The following ATP2B2 variants were observed in gnomAD, a reference collection of about 807,000 sequenced individuals.
The protein encoded by ATP2B2 is ATPase plasma membrane Ca2+ transporting 2.
A neutral mutation model predicts 120.0 loss-of-function variants in ATP2B2; 15 were observed. The observed-to-expected ratio is 0.12, with a 90% CI of 0.08 to 0.19. The LOEUF (loss-of-function observed/expected upper bound fraction) is 0.19. Among genes scored for constraint, ATP2B2 ranks in the 10% least tolerant of loss-of-function variants. The probability of loss-of-function intolerance (pLI) is 1.00; values close to 1 mark genes in which losing one functional copy is unlikely to be tolerated. For synonymous variants in ATP2B2, 694 were observed against 700.3 expected, an observed-to-expected ratio of 0.99 and a Z score of 0.14; for missense variants, 1,045 against 1,719.8, an observed-to-expected ratio of 0.61 and a Z score of 6.94.
At chr3:10,443,506 G>T (rs1279024862) in intron 2 of ATP2B2, among the ~76,000 whole-genome samples, 2 of 152,152 alleles carry the variant, frequency 1.3e-5, no homozygotes, top group Non-Finnish European at 2.9e-5. Flanking sequence ...ATGAGGAAAG[G>T]CCTGGCTGCC....
intron 2 of ATP2B2, among the ~76,000 whole-genome samples, chr3:10,597,591 T>G (rs917666740): frequency 1.3e-5 from 2 of 152,134 alleles, no homozygotes; most frequent in Non-Finnish European, 1.5e-5. Flanking sequence ...CTCACCCCTA[T>G]AGCCAGCTGT....
At chr3:10,637,126 A>G (rs551950335) in intron 1 of ATP2B2, among the ~76,000 whole-genome samples, 21 of 152,356 alleles carry the variant, frequency 1.4e-4, no homozygotes, top group African/African-American at 4.3e-4. Flanking sequence ...CTCTATCCCT[A>G]TCTAACAAGT....
At position 10,329,915 on chromosome 3, in the gene ATP2B2, C is replaced by T. The variant is rs573270810; in HGVS notation, c.3421-790G>A. On this transcript the variant is annotated intron_variant, in intron 22 of 22. Coordinates refer to ENST00000360273, the MANE Select transcript of ATP2B2 (RefSeq NM_001001331.4). This position sits in a 1 kb window ranked among gnomAD's most constrained non-coding sequence, Gnocchi z 5.9. Reference sequence around the variant, plus strand: ...ACAATGTGAACGGAGGTCGTTTGTACCCAGCGTTTCTTTCCTTCATGCATT... The same window carrying T: ...ACAATGTGAACGGAGGTCGTTTGTATCCAGCGTTTCTTTCCTTCATGCATT... 2.6e-5 allele frequency among the ~76,000 whole-genome samples: 4 copies of T among 152,312 alleles called. No homozygotes were observed. In the South Asian group the frequency reaches 6.2e-4, roughly 24 times the overall value.
At chr3:10,511,699 A>G (rs2066764471) in intron 3 of ATP2B2, among the ~76,000 whole-genome samples, 1 of 152,194 alleles carries the variant, frequency 6.6e-6, no homozygotes, top group African/African-American at 2.4e-5. Context: ...GGCTGGACTC[A>G]AGGTGAGTTG....
chr3:10,597,720 C>G (rs576248025), intron 2 of ATP2B2, among the ~76,000 whole-genome samples: 1 of 152,184 alleles, frequency 6.6e-6, no homozygotes, highest in Non-Finnish European at 1.5e-5. Context: ...AAGCTCTGTG[C>G]CTCAGTTTCC....
chr3:10,668,292 G>A (rs2071000733), intron 1 of ATP2B2, among the ~76,000 whole-genome samples: 1 of 152,212 alleles, frequency 6.6e-6, no homozygotes, highest in African/African-American at 2.4e-5. Context: ...TAAGCGACTT[G>A]GTCATGGTCA....
chr3:10,656,518 C>T (rs2070632092), intron 1 of ATP2B2, among the ~76,000 whole-genome samples: 2 of 152,358 alleles, frequency 1.3e-5, no homozygotes, highest in South Asian at 4.1e-4. Flanking sequence ...TTCACCACCT[C>T]ACCCTGGCTC....
chr3:10,340,444 AG>A lies in ATP2B2; in HGVS notation c.3129+48del. The A allele has an allele frequency of 3.1e-6, 5 of 1,613,942 alleles. No homozygotes were observed. The highest frequency in any genetic ancestry group is 4.2e-6 in the Non-Finnish European group (5 of 1,179,842). ...TCTCAGGGTCCTGCCCAGGGGCTCC[AG>A]CCGCTTGCTGCCCACCCCGGGCCTG... On this transcript the variant is annotated intron_variant, in intron 20 of 22. Coordinates refer to ENST00000360273, the MANE Select transcript of ATP2B2 (RefSeq NM_001001331.4). This position sits in a 1 kb window ranked among gnomAD's most constrained non-coding sequence, Gnocchi z 5.0.
At chr3:10,366,689 T>C (rs1348555375) in intron 12 of ATP2B2, among the ~76,000 whole-genome samples, 1 of 152,170 alleles carries the variant, frequency 6.6e-6, no homozygotes, top group African/African-American at 2.4e-5. Context: ...GGGGATGTTT[T>C]CCCAAGGAAG....
intron 2 of ATP2B2, among the ~76,000 whole-genome samples, chr3:10,426,714 T>C (rs1031373205): frequency 6.6e-6 from 1 of 152,184 alleles, no homozygotes; most frequent in African/African-American, 2.4e-5. Flanking sequence ...AAATCCAGTA[T>C]CAGAAATAAA....
At chr3:10,530,845 C>T (rs114381689) in intron 3 of ATP2B2, among the ~76,000 whole-genome samples, 11 of 152,268 alleles carry the variant, frequency 7.2e-5, no homozygotes, top group Non-Finnish European at 1.0e-4. Flanking sequence ...ACGTTGCTGA[C>T]GTGGAAATTC....
chr3:10,441,857 T>C (rs1438704991), intron 2 of ATP2B2, among the ~76,000 whole-genome samples: 1 of 152,168 alleles, frequency 6.6e-6, no homozygotes, highest in Admixed American at 6.5e-5. Context: ...TATCATATCA[T>C]TTACAGGTGG....
intron 1 of ATP2B2, among the ~76,000 whole-genome samples, chr3:10,469,897 G>A (rs754746799): frequency 1.3e-5 from 2 of 151,970 alleles, no homozygotes; most frequent in African/African-American, 2.4e-5. Context: ...CCCAGCTCGC[G>A]CCTTGGTTGC....
In ATP2B2 at chr3:10,332,819, T is replaced by C. The variant is rs536730457; in HGVS notation, c.3421-3694A>G. Among the ~76,000 whole-genome samples the C allele has an allele frequency of 3.0e-3, 462 of 152,188 alleles. 2 individuals are homozygous for C. Among genetic ancestry groups the C allele is most frequent in the Non-Finnish European group, 4.6e-3 (313 of 67,990 alleles). ...GCGAAATGGATGTGTTGGCAGGTCC[T>C]CCCCTCCCACAATTCAGTGGTGAGG... On this transcript the variant is annotated intron_variant, in intron 22 of 22. Transcript: ENST00000360273.
Position 10,421,665 on chromosome 3 carries a change from T to C in ATP2B2, c.200-10850A>G, listed in dbSNP as rs541483003. ...TCCATGGCTCCCCATGTCCTCACAA[T>C]CATCCAGTTCCTGGGCTCACAGTGG... On this transcript the variant is annotated intron_variant, in intron 2 of 22. Coordinates refer to ENST00000360273, the MANE Select transcript of ATP2B2 (RefSeq NM_001001331.4). Among the ~76,000 whole-genome samples the C allele has an allele frequency of 2.6e-5, 4 of 152,260 alleles. No individual in the cohort carries two copies. The East Asian group carries it at 7.7e-4, about 29-fold the overall frequency.
At chr3:10,350,271 G>A in intron 15 of ATP2B2, 72 bp from the exon 16 acceptor site, 11 of 1,566,982 alleles carry the variant, frequency 7.0e-6, no homozygotes, top group Non-Finnish European at 9.6e-6. Flanking sequence ...GAAGGGAGGG[G>A]ACATGCCCAG....
intron 2 of ATP2B2, among the ~76,000 whole-genome samples, chr3:10,616,606 G>GT (rs2069394589): frequency 6.6e-6 from 1 of 152,054 alleles, no homozygotes; most frequent in Non-Finnish European, 1.5e-5. Context: ...AAAAAAATTT[G>GT]TTTTTGAGAA....
chr3:10,666,765 A>G (rs1229978440), intron 1 of ATP2B2, among the ~76,000 whole-genome samples: 12 of 152,120 alleles, frequency 7.9e-5, no homozygotes, highest in Non-Finnish European at 1.8e-4. Context: ...CCACTGGAGG[A>G]GTGCCCGGAA....
intron 1 of ATP2B2, among the ~76,000 whole-genome samples, chr3:10,488,463 A>ATTCCATCC (rs2065803453): frequency 1.0e-5 from 1 of 95,746 alleles, no homozygotes; most frequent in African/African-American, 3.6e-5. Flanking sequence ...CACCCTACAA[A>ATTCCATCC]TTCCTTCCTT....
Sources: allele counts gnomAD v4.1 joint callset (sites outside exome capture counted in the v4.1 genomes callset), GRCh38; gene constraint gnomAD v4.1.1; non-coding constraint Gnocchi (gnomAD v3.1); transcripts MANE v1.5; gene names NCBI Gene and HGNC (gene_info 2026-07-23, HGNC 2026-07-21).